NKAIN2: variants seen among roughly 807,000 people sequenced by gnomAD.
NKAIN2 encodes sodium/potassium-transporting ATPase subunit beta-1-interacting protein 2.
Under a neutral mutation model 32.6 loss-of-function variants are expected in NKAIN2, and 14 were observed. The ratio of observed to expected loss-of-function variants is 0.43; its 90% confidence interval spans 0.28 to 0.67. The LOEUF is 0.67. Among genes scored for constraint, NKAIN2 ranks in the 30% least tolerant of loss-of-function variants. NKAIN2 has a pLI of 0.17. For synonymous variants in NKAIN2, 80 were observed against 87.2 expected, an observed-to-expected ratio of 0.92 and a Z score of 0.46; for missense variants, 198 against 258.3, an observed-to-expected ratio of 0.77 and a Z score of 1.60.
intron 3 of NKAIN2, among the ~76,000 whole-genome samples, chr6:124,655,037 C>T (rs1427801771): frequency 6.6e-6 from 1 of 152,020 alleles, no homozygotes; most frequent in Non-Finnish European, 1.5e-5. Flanking sequence ...TCTGTTAAAT[C>T]CAGCATAATT....
chr6:124,616,548 T>C (rs1782908747), intron 3 of NKAIN2, among the ~76,000 whole-genome samples: 1 of 136,158 alleles, frequency 7.3e-6, no homozygotes, highest in Admixed American at 7.9e-5. Context: ...CACTGAAAGC[T>C]CCGCCTCCCA....
intron 2 of NKAIN2, among the ~76,000 whole-genome samples, chr6:124,291,487 C>G (rs1795813716): frequency 6.6e-6 from 1 of 152,000 alleles, no homozygotes; most frequent in African/African-American, 2.4e-5. Flanking sequence ...TCTCTAGATC[C>G]TCTCTTTCCC....
chr6:123,846,202 G>T (rs1291656358), intron 1 of NKAIN2, among the ~76,000 whole-genome samples: 1 of 152,164 alleles, frequency 6.6e-6, no homozygotes, highest in African/African-American at 2.4e-5. Context: ...ATCATTTCTA[G>T]GTGTGTGTAA....
chr6:124,331,429 C>G (rs923762205), intron 2 of NKAIN2, among the ~76,000 whole-genome samples: 1 of 142,496 alleles, frequency 7.0e-6, no homozygotes, highest in Admixed American at 7.2e-5. Flanking sequence ...CACGGGAGGC[C>G]GAGGCAGGAG....
chr6:124,102,200 C>T (rs1016560543), intron 1 of NKAIN2, among the ~76,000 whole-genome samples: 11 of 152,160 alleles, frequency 7.2e-5, no homozygotes, highest in African/African-American at 1.7e-4. Flanking sequence ...TGATGTGGTG[C>T]GGGGACCACT....
intron 2 of NKAIN2, among the ~76,000 whole-genome samples, chr6:124,315,177 A>G (rs1050615191): frequency 2.0e-5 from 3 of 152,108 alleles, no homozygotes; most frequent in Non-Finnish European, 2.9e-5. Flanking sequence ...AGGTACATCC[A>G]CATTTGTAAG....
chr6:124,313,923 A>G (rs932388414), intron 2 of NKAIN2, among the ~76,000 whole-genome samples: 1 of 152,132 alleles, frequency 6.6e-6, no homozygotes, highest in African/African-American at 2.4e-5. Context: ...GCCCTATTGA[A>G]TAAGTTGCCG....
intron 3 of NKAIN2, among the ~76,000 whole-genome samples, chr6:124,625,986 A>G (rs922510733): frequency 4.0e-5 from 6 of 151,836 alleles, no homozygotes; most frequent in Non-Finnish European, 7.4e-5. Flanking sequence ...GTACATGTGC[A>G]CAATATGCAG....
chr6:124,339,977 A>G (rs1798052650), intron 2 of NKAIN2, among the ~76,000 whole-genome samples: 1 of 152,224 alleles, frequency 6.6e-6, no homozygotes, highest in Non-Finnish European at 1.5e-5. Context: ...TACCTAGGTA[A>G]TCAGAACCAG....
At chr6:124,388,885 C>T (rs1054829518) in intron 3 of NKAIN2, among the ~76,000 whole-genome samples, 1 of 151,872 alleles carries the variant, frequency 6.6e-6, no homozygotes, top group African/African-American at 2.4e-5. Context: ...AAAATGGACT[C>T]CAAGCATAGT....
At chr6:124,582,652 C>T (rs1472230270) in intron 3 of NKAIN2, among the ~76,000 whole-genome samples, 1 of 151,828 alleles carries the variant, frequency 6.6e-6, no homozygotes, top group Non-Finnish European at 1.5e-5. Context: ...GACATGGGCA[C>T]ATTAAAAAAA....
chr6:123,876,441 G>T (rs550234624), intron 1 of NKAIN2, among the ~76,000 whole-genome samples: 1 of 152,150 alleles, frequency 6.6e-6, no homozygotes, highest in South Asian at 2.1e-4. Flanking sequence ...TACACAAACG[G>T]TCATATATAT....
intron 4 of NKAIN2, among the ~76,000 whole-genome samples, chr6:124,685,140 G>C (rs1440352410): frequency 6.6e-6 from 1 of 152,112 alleles, no homozygotes; most frequent in East Asian, 1.9e-4. Context: ...CTGAGGATCA[G>C]AGACTGACAA....
At chr6:124,447,129 C>G (rs1463725021) in intron 3 of NKAIN2, among the ~76,000 whole-genome samples, 1 of 152,034 alleles carries the variant, frequency 6.6e-6, no homozygotes, top group Non-Finnish European at 1.5e-5. Context: ...AATGCCCTTC[C>G]TCTTTGACCA....
intron 3 of NKAIN2, among the ~76,000 whole-genome samples, chr6:124,358,460 T>C (rs1799099571): frequency 6.6e-6 from 1 of 152,222 alleles, no homozygotes; most frequent in South Asian, 2.1e-4. Context: ...TTTTTAATGA[T>C]CACCATTCTA....
intron 3 of NKAIN2, among the ~76,000 whole-genome samples, chr6:124,542,835 A>C (rs1779959208): frequency 6.6e-6 from 1 of 152,176 alleles, no homozygotes; most frequent in Non-Finnish European, 1.5e-5. Context: ...AAACTAAATA[A>C]AAACCTGGTT....
At chr6:124,045,255 A>G (rs896013336) in intron 1 of NKAIN2, among the ~76,000 whole-genome samples, 2 of 151,914 alleles carry the variant, frequency 1.3e-5, no homozygotes, top group African/African-American at 4.8e-5. Context: ...ATATATTCTA[A>G]TGTATGATGT....
rs57913104 is a variant in NKAIN2 at position 124,113,839 on chromosome 6, A to G, written c.55-169166A>G. 6.0e-3 allele frequency among the ~76,000 whole-genome samples: 907 copies of G among 152,240 alleles called. 3 individuals carry two copies. Among genetic ancestry groups the G allele is most frequent in the African/African-American group, 0.02 (850 of 41,548 alleles). ...CCCAGGATGCAGGAACCTTTCAATT[A>G]GTTTCTGATTTCCCACACAGGGAAT... is the stretch of plus-strand genomic sequence containing the variant. On this transcript the variant is annotated intron_variant, in intron 1 of 6. Coordinates refer to ENST00000368417, the MANE Select transcript of NKAIN2 (RefSeq NM_001040214.3).
intron 1 of NKAIN2, among the ~76,000 whole-genome samples, chr6:124,017,755 G>A (rs1780651105): frequency 6.6e-6 from 1 of 152,132 alleles, no homozygotes; most frequent in South Asian, 2.1e-4. Flanking sequence ...CTACCTCTGT[G>A]GCTTTACATA....
Sources: gnomAD v4.1 joint callset for allele counts (sites outside exome capture counted in the v4.1 genomes callset) on GRCh38, gnomAD v4.1.1 for gene constraint, MANE v1.5 for transcripts, NCBI Gene and HGNC (gene_info 2026-07-23, HGNC 2026-07-21) for gene names.